LCMT1: variants seen among roughly 807,000 people sequenced by gnomAD.
LCMT1 encodes leucine carboxyl methyltransferase 1, also known as [Phosphatase 2A protein]-leucine-carboxy methyltransferase 1.
Under a neutral mutation model 47.7 loss-of-function variants are expected in LCMT1, and 32 were observed. The ratio of observed to expected loss-of-function variants is 0.67; its 90% CI spans 0.51 to 0.90. The LOEUF is 0.90. LCMT1 is among the 40% of genes least tolerant of loss of function. The pLI, the probability that LCMT1 is intolerant of heterozygous loss-of-function variation, is 0.00. For synonymous variants in LCMT1, 152 were observed against 149.7 expected (o/e 1.02, Z -0.11); for missense variants, 375 against 415.2 (o/e 0.90, Z 0.84).
chr16:25,116,717 C>CAAA (rs61022139), intron 1 of LCMT1, among the ~76,000 whole-genome samples: 2,059 of 63,442 alleles, frequency 0.032, 60 homozygotes, highest in African/African-American at 0.1. Flanking sequence ...CTCCTCTCCA[C>CAAA]AAAAAAAAAA....
intron 3 of LCMT1, among the ~76,000 whole-genome samples, chr16:25,136,841 A>T (rs938161846): frequency 6.6e-6 from 1 of 151,864 alleles, no homozygotes; most frequent in African/African-American, 2.4e-5. Context: ...GCCCCACAGG[A>T]TGTCTTTCTT....
chr16:25,170,720 C>T lies in LCMT1; in HGVS notation c.799C>T (p.Arg267Trp), dbSNP rs568089895. Residue 267 changes from arginine (R) to tryptophan (W), a missense_variant, in exon 9 of 11, where the codon CGG becomes TGG. Coordinates refer to ENST00000399069, the MANE Select transcript of LCMT1 (RefSeq NM_016309.3). ...TCTTCGTTGCACATTTTAGAAAGAA[C>T]GGCTCCTGTCGAATGGGTGGGAAAC... ...TCKSLESQKE[R>W]LLSNGWETAS... is the part of the protein sequence containing the mutation. 1.9e-5 allele frequency: 30 copies of T among 1,612,446 alleles called. No homozygotes were observed. The highest frequency in any genetic ancestry group is 2.2e-5 in the South Asian group (2 of 90,938).
At chr16:25,149,786 A>G (rs1961013899) in intron 4 of LCMT1, among the ~76,000 whole-genome samples, 1 of 151,862 alleles carries the variant, frequency 6.6e-6, no homozygotes, top group South Asian at 2.1e-4. Context: ...TGTTGGGTGC[A>G]TCTATAGTCT....
intron 5 of LCMT1, among the ~76,000 whole-genome samples, chr16:25,156,402 A>C (rs947562781): frequency 6.6e-6 from 1 of 152,186 alleles, no homozygotes; most frequent in Non-Finnish European, 1.5e-5. Context: ...TACTCACGTG[A>C]CTGCTTGAAT....
chr16:25,167,468 C>G (rs1190023617), intron 7 of LCMT1, among the ~76,000 whole-genome samples: 1 of 151,812 alleles, frequency 6.6e-6, no homozygotes, highest in African/African-American at 2.4e-5. Context: ...AGGTGCACAC[C>G]ACCACTCTTG....
chr16:25,117,194 T>C (rs1290037008), intron 1 of LCMT1, among the ~76,000 whole-genome samples: 1 of 152,176 alleles, frequency 6.6e-6, no homozygotes, highest in Non-Finnish European at 1.5e-5. Context: ...GACATCTTCC[T>C]CTCTTTTCCA....
At chr16:25,138,200 A>G (rs951440985) in intron 3 of LCMT1, among the ~76,000 whole-genome samples, 4 of 152,124 alleles carry the variant, frequency 2.6e-5, no homozygotes, top group Non-Finnish European at 5.9e-5. Context: ...GGGCCAGGCT[A>G]TAGAGTGCCT....
rs752179657 is a variant in LCMT1 at position 25,178,081 on chromosome 16, C to A, written c.*58C>A. On this transcript the variant is annotated 3_prime_UTR_variant, in exon 11 of 11. Coordinates refer to ENST00000399069, the MANE Select transcript of LCMT1 (RefSeq NM_016309.3). ...AAGCCACTTGCCCTCCTGGAGGAGA[C>A]CTGCAAGCTCCCTGAGCGGTGGGCG... 39 of 1,565,880 alleles carry A rather than the reference C, an allele frequency of 2.5e-5. No homozygotes were observed. Among genetic ancestry groups the A allele is most frequent in the Non-Finnish European group, 8.8e-6 (10 of 1,138,782 alleles).
At position 25,169,119 on chromosome 16, in the gene LCMT1, T is replaced by C. The variant is rs1961673136; in HGVS notation, c.698T>C (p.Met233Thr). Residue 233 changes from methionine to threonine, a missense_variant, in exon 8 of 11, where the codon ATG (methionine) becomes ACG (threonine). By Grantham distance (81) the Met-to-Thr change is moderately conservative (BLOSUM62 -1). Transcript: ENST00000399069. The part of the protein sequence containing the change: ...AMFINYEQVN[M>T]GDRFGQIMIE... ...CTTCTCTTTCCCTCCTAGGTGAACA[T>C]GGGTGATCGGTTTGGGCAGATCATG... 1.2e-6 allele frequency: 2 copies of C among 1,611,636 alleles called. No homozygotes were observed. The highest frequency in any genetic ancestry group is 1.7e-5 in the Admixed American group (1 of 60,004).
intron 2 of LCMT1, among the ~76,000 whole-genome samples, chr16:25,130,887 T>G (rs547750012): frequency 6.6e-6 from 1 of 152,294 alleles, no homozygotes; most frequent in East Asian, 1.9e-4. Context: ...ATGTGTTAAG[T>G]CCCCAGTTTC....
At chr16:25,144,861 A>G (rs1960802935) in intron 4 of LCMT1, 1 of 152,190 alleles carries the variant, frequency 6.6e-6, no homozygotes, top group South Asian at 2.1e-4. Flanking sequence ...AAGACTCCCA[A>G]AGCTATTCCT....
chr16:25,118,176 A>G (rs1459734813), intron 1 of LCMT1, among the ~76,000 whole-genome samples: 1 of 152,116 alleles, frequency 6.6e-6, no homozygotes, highest in Non-Finnish European at 1.5e-5. Flanking sequence ...GCCATTAGAA[A>G]AAGACCAGCA....
chr16:25,132,598 T>A, intron 3 of LCMT1, 75 bp downstream of exon 3: 1 of 1,494,660 alleles, frequency 6.7e-7, no homozygotes, highest in Non-Finnish European at 9.1e-7. Context: ...ATTCGAAATG[T>A]AAACATATAT....
intron 1 of LCMT1, among the ~76,000 whole-genome samples, chr16:25,127,280 G>A (rs983963614): frequency 7.9e-5 from 12 of 152,108 alleles, no homozygotes; most frequent in African/African-American, 2.9e-4. Flanking sequence ...TGTATTAATG[G>A]GTCATGACTA....
Position 25,161,138 on chromosome 16 carries a change from T to C in LCMT1, c.503T>C (p.Ile168Thr), listed in dbSNP as rs759940657. 4.3e-6 allele frequency: 7 copies of C among 1,611,182 alleles called. No individual in the cohort carries two copies. In the African/African-American group the frequency reaches 6.7e-5, roughly 15 times the overall value. Residue 168 changes from isoleucine (I) to threonine (T), a missense_variant, in exon 6 of 11, where the codon ATT becomes ACT. Transcript: ENST00000399069. Reference protein sequence around the residue: ...HILDSKRYAVIGADLRDLSEL... With the variant: ...HILDSKRYAVTGADLRDLSEL... ...CTGGATTCAAAGAGATATGCCGTTA[T>C]TGGAGCAGATCTCCGAGACCTGTCT...
chr16:25,147,656 A>G (rs1169610836), intron 4 of LCMT1: 1 of 152,042 alleles, frequency 6.6e-6, no homozygotes. Flanking sequence ...GGCAGGTTGT[A>G]TTACAGAGGA....
chr16:25,132,308 C>T (rs753890315), intron 2 of LCMT1, 94 bp from the exon 3 acceptor site: 2 of 1,447,690 alleles, frequency 1.4e-6, no homozygotes, highest in Non-Finnish European at 1.9e-6. Flanking sequence ...GGCGCATGCT[C>T]TCTGTTTTGC....
At chr16:25,134,372 T>G (rs1194145737) in intron 3 of LCMT1, among the ~76,000 whole-genome samples, 1 of 152,222 alleles carries the variant, frequency 6.6e-6, no homozygotes, top group Non-Finnish European at 1.5e-5. Context: ...TATGACCTCA[T>G]GAATTAACAC....
At chr16:25,171,340 A>G (rs1462103602) in intron 9 of LCMT1, among the ~76,000 whole-genome samples, 2 of 151,986 alleles carry the variant, frequency 1.3e-5, no homozygotes, top group Non-Finnish European at 2.9e-5. Flanking sequence ...CTTGAATCCA[A>G]GAGGCGGAGG....
Sources: allele counts gnomAD v4.1 joint callset (sites outside exome capture counted in the v4.1 genomes callset), GRCh38; gene constraint gnomAD v4.1.1; transcripts MANE v1.5; gene names NCBI Gene and HGNC (gene_info 2026-07-23, HGNC 2026-07-21).